The following STK3 variants were observed in gnomAD, a reference collection of about 807,000 sequenced individuals.
The protein encoded by STK3 is serine/threonine kinase 3.
Under a neutral mutation model 58.0 loss-of-function variants are expected in STK3, and 41 were observed. That is an observed-to-expected ratio of 0.71 (90% CI 0.55 to 0.92). The LOEUF is 0.92. Ranked by LOEUF, STK3 falls within the 40% of genes least tolerant of loss-of-function variation. STK3 has a pLI of 0.00. For synonymous variants in STK3, 170 were observed against 191.0 expected, an observed-to-expected ratio of 0.89 and a Z score of 0.91; for missense variants, 479 against 602.7, an observed-to-expected ratio of 0.79 and a Z score of 2.15.
upstream of STK3, among the ~76,000 whole-genome samples, chr8:98,828,375 G>T (rs901477742): frequency 7.7e-5 from 11 of 142,912 alleles, no homozygotes; most frequent in Admixed American, 3.0e-4. Context: ...TCCAAGGCAG[G>T]CAGATAGCTT....
intron 6 of STK3, among the ~76,000 whole-genome samples, chr8:98,672,951 A>G (rs984637656): frequency 6.6e-6 from 1 of 152,214 alleles, no homozygotes; most frequent in Non-Finnish European, 1.5e-5. Flanking sequence ...GGATTCAAGA[A>G]GAAGCTATGA....
chr8:98,631,243 T>C (rs760064293), intron 6 of STK3, among the ~76,000 whole-genome samples: 1 of 152,136 alleles, frequency 6.6e-6, no homozygotes, highest in Non-Finnish European at 1.5e-5. Flanking sequence ...CATCAGACCA[T>C]ACCATTCCTC....
intron 10 of STK3, among the ~76,000 whole-genome samples, chr8:98,502,632 A>C (rs1206959046): frequency 6.6e-6 from 1 of 152,168 alleles, no homozygotes; most frequent in African/African-American, 2.4e-5. Flanking sequence ...GAACTTTGTC[A>C]AACGCCTTTT....
chr8:98,794,401 G>A (rs116963187), intron 1 of STK3, among the ~76,000 whole-genome samples: 3 of 152,204 alleles, frequency 2.0e-5, no homozygotes, highest in East Asian at 3.9e-4. Flanking sequence ...TCCTATTTAC[G>A]CAAACTAGAA....
intron 7 of STK3, among the ~76,000 whole-genome samples, chr8:98,584,873 G>A (rs1401097921): frequency 6.6e-6 from 1 of 151,486 alleles, no homozygotes; most frequent in Non-Finnish European, 1.5e-5. Context: ...TTTTTCATGT[G>A]TTTTTTAGCT....
At chr8:98,892,235 ACT>A (rs1321221400) in intron 1 of STK3, among the ~76,000 whole-genome samples, 1 of 151,516 alleles carries the variant, frequency 6.6e-6, no homozygotes, top group Non-Finnish European at 1.5e-5. Flanking sequence ...TCCTAGCTTG[ACT>A]CTGTCCCTTT....
Position 98,503,051 on chromosome 8 carries a change from T to C in STK3, c.1317+23691A>G, listed in dbSNP as rs555330465. Among the ~76,000 whole-genome samples the C allele has an allele frequency of 8.9e-4, 135 of 152,330 alleles. 1 individual carries two copies. Among genetic ancestry groups the C allele is most frequent in the African/African-American group, 3.2e-3 (134 of 41,590 alleles). On this transcript the variant is annotated intron_variant, in intron 10 of 10. Coordinates refer to ENST00000419617, the MANE Select transcript of STK3 (RefSeq NM_006281.4). ...CTGGTCCTGGACTTTTTTTGGTTGGTAGGCTATTAATTATTGCCTCAATTT... is the reference window on the plus strand; with the variant it reads ...CTGGTCCTGGACTTTTTTTGGTTGGCAGGCTATTAATTATTGCCTCAATTT...
the STK3 span, among the ~76,000 whole-genome samples, chr8:98,360,395 T>C: frequency 6.6e-6 from 1 of 152,234 alleles, no homozygotes; most frequent in Non-Finnish European, 1.5e-5. Flanking sequence ...CTTCCCTCTG[T>C]GTCTCCATGC....
chr8:98,583,845 A>ATGTATG, intron 7 of STK3, among the ~76,000 whole-genome samples: 1 of 144,752 alleles, frequency 6.9e-6, no homozygotes, highest in East Asian at 2.1e-4. Context: ...GAGAGAGTGT[A>ATGTATG]TGTGTGTGTG....
At chr8:98,704,369 G>C (rs1004417038) in intron 6 of STK3, among the ~76,000 whole-genome samples, 2 of 152,012 alleles carry the variant, frequency 1.3e-5, no homozygotes, top group African/African-American at 4.8e-5. Flanking sequence ...TATTTAAATA[G>C]GAAATAAACT....
In STK3 at chr8:98,843,085, A is replaced by G. The variant is rs184496436; in HGVS notation, c.110+40562T>C. On this transcript the variant is annotated intron_variant, in intron 3 of 12. Transcript: ENST00000523601. The stretch of plus-strand genomic sequence containing the variant: ...AATTAATATATATAATATATAATAA[A>G]TAATAAGCCCAGAACATAACCATTT... Among the ~76,000 whole-genome samples, 1,310 of 150,664 alleles carry G rather than the reference A, an allele frequency of 8.7e-3. 11 individuals are homozygous for G. Among genetic ancestry groups the G allele is most frequent in the African/African-American group, 0.03 (1,232 of 41,266 alleles).
intron 1 of STK3, among the ~76,000 whole-genome samples, chr8:98,790,774 GGAGTTC>G (rs1230859907): frequency 6.6e-6 from 1 of 152,170 alleles, no homozygotes; most frequent in East Asian, 1.9e-4. Flanking sequence ...CACGAGGTCA[GGAGTTC>G]GAGATCAGCC....
intron 3 of STK3, among the ~76,000 whole-genome samples, chr8:98,872,133 G>A (rs1426321866): frequency 1.3e-5 from 2 of 152,132 alleles, no homozygotes; most frequent in Non-Finnish European, 2.9e-5. Context: ...CTGTTTATAT[G>A]ATGGATTACG....
chr8:98,366,174 A>T, the STK3 span, among the ~76,000 whole-genome samples: 4 of 152,172 alleles, frequency 2.6e-5, no homozygotes, highest in South Asian at 8.3e-4. Context: ...TGTTTTTACC[A>T]AGCTAATAAT....
At chr8:98,911,438 G>A (rs910867305) in intron 1 of STK3, among the ~76,000 whole-genome samples, 4 of 152,016 alleles carry the variant, frequency 2.6e-5, no homozygotes, top group African/African-American at 9.7e-5. Flanking sequence ...CTGTTACCCA[G>A]GCTATAGTGC....
chr8:98,840,764 G>T (rs1458794447), intron 3 of STK3, among the ~76,000 whole-genome samples: 3 of 151,786 alleles, frequency 2.0e-5, no homozygotes, highest in African/African-American at 7.3e-5. Context: ...CCTAGTCTCT[G>T]TAAGTCAGAA....
intron 3 of STK3, among the ~76,000 whole-genome samples, chr8:98,757,258 G>A (rs1331096521): frequency 6.6e-6 from 1 of 150,576 alleles, no homozygotes; most frequent in Middle Eastern, 3.4e-3. Context: ...TCGGCTCACT[G>A]CAACCTCTGC....
intron 5 of STK3, among the ~76,000 whole-genome samples, 179 bp downstream of exon 5, chr8:98,706,968 T>G (rs553173845): frequency 6.6e-6 from 1 of 152,320 alleles, no homozygotes; most frequent in Non-Finnish European, 1.5e-5. Flanking sequence ...TCACATTCAA[T>G]CACCCTAAAT....
At chr8:98,572,377 T>C (rs908299163) in intron 8 of STK3, among the ~76,000 whole-genome samples, 3 of 152,190 alleles carry the variant, frequency 2.0e-5, no homozygotes, top group Non-Finnish European at 2.9e-5. Context: ...TTATAAAAAA[T>C]ATTTTACTTT....
Sources: allele counts gnomAD v4.1 joint callset (sites outside exome capture counted in the v4.1 genomes callset), GRCh38; gene constraint gnomAD v4.1.1; transcripts MANE v1.5; gene names NCBI Gene and HGNC (gene_info 2026-07-23, HGNC 2026-07-21).